Variants in SMYD3 observed in about 807,000 individuals in gnomAD.
The protein encoded by SMYD3 is SET and MYND domain containing 3.
In SMYD3, 36 loss-of-function variants were observed where a neutral mutation model predicts 57.7. The observed-to-expected ratio is 0.62, with a 90% confidence interval of 0.48 to 0.82. The LOEUF (loss-of-function observed/expected upper bound fraction) is 0.82, where lower values mean the gene tolerates loss of function less well. Ranked by LOEUF, SMYD3 falls within the 40% of genes least tolerant of loss-of-function variation. The probability of loss-of-function intolerance (pLI) is 0.00; values close to 1 mark genes in which losing one functional copy is unlikely to be tolerated. For synonymous variants in SMYD3, 211 were observed against 195.0 expected (o/e 1.08, Z -0.68); for missense variants, 515 against 538.8 (o/e 0.96, Z 0.44).
chr1:246,254,719 G>A (rs1286962935), intron 5 of SMYD3, among the ~76,000 whole-genome samples: 2 of 152,154 alleles, frequency 1.3e-5, no homozygotes, highest in African/African-American at 2.4e-5. Flanking sequence ...AGACTGCTAT[G>A]GGCAGAATGG....
chr1:245,831,910 C>T (rs1170375208), intron 10 of SMYD3, among the ~76,000 whole-genome samples: 1 of 152,158 alleles, frequency 6.6e-6, no homozygotes, highest in African/African-American at 2.4e-5. Flanking sequence ...GAAACTTTGC[C>T]GGACATTGCC....
At chr1:246,204,937 T>C (rs1409850155) in intron 5 of SMYD3, among the ~76,000 whole-genome samples, 1 of 152,200 alleles carries the variant, frequency 6.6e-6, no homozygotes, top group African/African-American at 2.4e-5. Flanking sequence ...GCAGGAGAAA[T>C]ACATCAGGCC....
At chr1:245,773,114 T>C (rs1191086450) in intron 10 of SMYD3, among the ~76,000 whole-genome samples, 2 of 136,280 alleles carry the variant, frequency 1.5e-5, no homozygotes, top group Non-Finnish European at 3.1e-5. Flanking sequence ...AAAAAAAGCA[T>C]GATAGCATCA....
intron 5 of SMYD3, among the ~76,000 whole-genome samples, chr1:246,065,377 G>T (rs1336038107): frequency 6.6e-6 from 1 of 152,182 alleles, no homozygotes; most frequent in African/African-American, 2.4e-5. Flanking sequence ...TGGGTAAAAT[G>T]AGTTGTTTAA....
chr1:246,130,559 G>C (rs1354934469), intron 5 of SMYD3, among the ~76,000 whole-genome samples: 1 of 152,002 alleles, frequency 6.6e-6, no homozygotes, highest in Non-Finnish European at 1.5e-5. Context: ...AGTAAAAACA[G>C]GGCATTTTTG....
At chr1:246,462,358 T>C (rs2067814724) in intron 1 of SMYD3, among the ~76,000 whole-genome samples, 1 of 151,764 alleles carries the variant, frequency 6.6e-6, no homozygotes, top group Admixed American at 6.6e-5. Flanking sequence ...TGCCTAGAGG[T>C]CTGGAGAACT....
chr1:245,794,874 A>G (rs150099390), intron 10 of SMYD3, among the ~76,000 whole-genome samples: 31 of 152,166 alleles, frequency 2.0e-4, no homozygotes, highest in African/African-American at 7.5e-4. Context: ...TTTGTCCCCC[A>G]ATCCCAGTGG....
At chr1:246,058,853 T>G (rs190441268) in intron 5 of SMYD3, among the ~76,000 whole-genome samples, 210 of 151,806 alleles carry the variant, frequency 1.4e-3, no homozygotes, top group Non-Finnish European at 2.6e-3. Flanking sequence ...TTAACAAAGG[T>G]GCCCATTTAC....
At chr1:245,813,005 CTTTTTTTTTTTT>C (rs770448717) in intron 10 of SMYD3, among the ~76,000 whole-genome samples, 9,295 of 75,956 alleles carry the variant, frequency 0.12, 476 homozygotes, top group East Asian at 0.34. Context: ...GAGACAGCTT[CTTTTTTTTTTTT>C]TTTTTTTTTT....
chr1:245,988,759 G>A (rs967304125), intron 5 of SMYD3, among the ~76,000 whole-genome samples: 11 of 152,338 alleles, frequency 7.2e-5, no homozygotes, highest in African/African-American at 2.2e-4. Flanking sequence ...GGCAGAGAAC[G>A]GTTTGGGAGG....
intron 8 of SMYD3, among the ~76,000 whole-genome samples, chr1:245,872,559 G>A (rs910462608): frequency 1.3e-5 from 2 of 152,236 alleles, no homozygotes; most frequent in African/African-American, 4.8e-5. Context: ...AGGAGCACTT[G>A]GGCAACCAGG....
chr1:246,297,463 C>T (rs2148606823), intron 5 of SMYD3, among the ~76,000 whole-genome samples: 1 of 152,238 alleles, frequency 6.6e-6, no homozygotes, highest in East Asian at 1.9e-4. Flanking sequence ...AGCAGGGAAA[C>T]AACGCATCCA....
At chr1:246,290,721 CT>C (rs796178441) in intron 5 of SMYD3, among the ~76,000 whole-genome samples, 10 of 151,886 alleles carry the variant, frequency 6.6e-5, no homozygotes, top group African/African-American at 1.9e-4. Context: ...ATATTCTTTC[CT>C]TTTTTTTCCT....
rs571654298 is a variant in SMYD3 at position 245,750,362 on chromosome 1, A to G, written c.1186-698T>C. On this transcript the variant is annotated intron_variant, in intron 11 of 11. Transcript: ENST00000490107. ...CATGCTGCAAGGAAGCCCAAGCCAC[A>G]TAGAGGGAGGCCGTGTACAGGCACT... 4.6e-5 allele frequency among the ~76,000 whole-genome samples: 7 copies of G among 152,314 alleles called. No individual in the cohort carries two copies. The South Asian group carries it at 1.2e-3, about 27-fold the overall frequency.
At chr1:245,929,506 A>C (rs1244821116) in intron 6 of SMYD3, among the ~76,000 whole-genome samples, 1 of 152,138 alleles carries the variant, frequency 6.6e-6, no homozygotes, top group African/African-American at 2.4e-5. Context: ...CCCAACTGAT[A>C]CGTACGGCAA....
At chr1:245,997,663 G>A (rs1473500278) in intron 5 of SMYD3, among the ~76,000 whole-genome samples, 2 of 152,164 alleles carry the variant, frequency 1.3e-5, no homozygotes, top group Non-Finnish European at 2.9e-5. Context: ...TTACACAGAG[G>A]AGCAAGCCCT....
At chr1:245,810,181 C>T (rs1442968994) in intron 10 of SMYD3, among the ~76,000 whole-genome samples, 3 of 152,210 alleles carry the variant, frequency 2.0e-5, no homozygotes, top group African/African-American at 7.2e-5. Context: ...GTTAGAGCAG[C>T]TCTTTGGAAC....
intron 1 of SMYD3, chr1:246,426,078 A>G (rs1017967789): frequency 1.3e-5 from 2 of 152,186 alleles, no homozygotes; most frequent in East Asian, 3.8e-4. Flanking sequence ...TAACTGACTG[A>G]AAAGTCAATT....
intron 5 of SMYD3, among the ~76,000 whole-genome samples, chr1:246,063,932 G>A (rs66739676): frequency 0.083 from 12,582 of 152,120 alleles, 614 homozygotes; most frequent in African/African-American, 0.13. Flanking sequence ...AAGCCACCAC[G>A]CCCAGCCCAG....
Sources: gnomAD v4.1 joint callset for allele counts (sites outside exome capture counted in the v4.1 genomes callset) on GRCh38, gnomAD v4.1.1 for gene constraint, MANE v1.5 for transcripts, NCBI Gene and HGNC (gene_info 2026-07-23, HGNC 2026-07-21) for gene names.